UTP20: variants seen among roughly 807,000 people sequenced by gnomAD.
The protein encoded by UTP20 is UTP20 small subunit processome component.
UTP20 carries 164 observed loss-of-function variants against 329.5 expected under a neutral mutation model. That is an observed-to-expected ratio of 0.50 (90% CI 0.44 to 0.57). UTP20 has a LOEUF of 0.57. UTP20 is among the 20% of genes least tolerant of loss of function. The pLI is 0.00. For synonymous variants in UTP20, 1,151 were observed against 1,159.3 expected (o/e 0.99, Z 0.14); for missense variants, 3,055 against 3,284.2 (o/e 0.93, Z 1.71).
At chr12:101,306,133 T>A in intron 16 of UTP20, 68 bp downstream of exon 16, 1 of 1,444,896 alleles carries the variant, frequency 6.9e-7, no homozygotes, top group Non-Finnish European at 9.2e-7. Flanking sequence ...CTGCAGTGGT[T>A]TTCAGAGCAT....
intron 47 of UTP20, among the ~76,000 whole-genome samples, chr12:101,367,322 G>A (rs1322120757): frequency 6.6e-6 from 1 of 152,046 alleles, no homozygotes; most frequent in Non-Finnish European, 1.5e-5. Context: ...AAGACGGTGA[G>A]CTTTTAAAAG....
intron 27 of UTP20, 59 bp downstream of exon 27, chr12:101,329,508 T>A: frequency 6.6e-7 from 1 of 1,516,080 alleles, no homozygotes; most frequent in Non-Finnish European, 9.1e-7. Context: ...TCTTGGATTT[T>A]AATTCCAAGA....
chr12:101,355,634 T>C (rs1264637205), intron 41 of UTP20, among the ~76,000 whole-genome samples: 1 of 152,242 alleles, frequency 6.6e-6, no homozygotes, highest in Non-Finnish European at 1.5e-5. Flanking sequence ...CTTGTTTACG[T>C]AGTGTTTAGT....
Position 101,369,701 on chromosome 12 carries a change from T to C in UTP20, c.6385-20T>C. ...TCGGTCACATCACAAGTTGGTGGTG[T>C]TTTGTTTTGTTTTTTTCAGGTGATC... On this transcript the variant is annotated intron_variant, in intron 48 of 61. Transcript: ENST00000261637. 1 of 1,351,666 alleles carries C rather than the reference T, an allele frequency of 7.4e-7. No individual in the cohort carries two copies. The highest frequency in any genetic ancestry group is 1.8e-4 in the Middle Eastern group (1 of 5,574). 83.7% of individuals were successfully genotyped at this position (1,351,666 alleles called of 1,614,324 possible). A position where few individuals can be genotyped will look rare whatever the true frequency, so the allele number is the denominator to read the frequency against.
intron 11 of UTP20, 114 bp downstream of exon 11, chr12:101,293,359 C>T (rs1872235656): frequency 2.3e-6 from 2 of 880,878 alleles, no homozygotes; most frequent in East Asian, 2.5e-5. Context: ...AGGATAAGTG[C>T]TTGATGTTTT....
At chr12:101,328,140 A>C (rs964028571) in intron 26 of UTP20, among the ~76,000 whole-genome samples, 4 of 152,128 alleles carry the variant, frequency 2.6e-5, no homozygotes, top group Admixed American at 1.3e-4. Flanking sequence ...TATTTTTTCT[A>C]TGATAATAGG....
chr12:101,323,946 G>A (rs1405800150), intron 25 of UTP20, among the ~76,000 whole-genome samples: 1 of 151,980 alleles, frequency 6.6e-6, no homozygotes, highest in Non-Finnish European at 1.5e-5. Context: ...AGACCAGCCT[G>A]ACCAACATGG....
intron 52 of UTP20, among the ~76,000 whole-genome samples, chr12:101,373,169 G>A (rs1420608836): frequency 2.6e-5 from 4 of 152,020 alleles, no homozygotes; most frequent in East Asian, 3.9e-4. Context: ...TAATTTAACC[G>A]TTGATTGTCA....
At chr12:101,362,137 A>G in intron 44 of UTP20, 77 bp downstream of exon 44, 2 of 1,019,486 alleles carry the variant, frequency 2.0e-6, no homozygotes, top group South Asian at 1.3e-5. Flanking sequence ...ACCAAATAAG[A>G]AATAATAATA....
At chr12:101,285,965 A>T (rs1248183229) in intron 4 of UTP20, 84 bp downstream of exon 4, 1 of 1,520,172 alleles carries the variant, frequency 6.6e-7, no homozygotes, top group African/African-American at 1.4e-5. Context: ...CATATACCGC[A>T]GATCAGGTGC....
Position 101,362,050 on chromosome 12 carries a change from T to C in UTP20, c.5780T>C (p.Ile1927Thr), listed in dbSNP as rs749429613. The C allele has an allele frequency of 5.6e-6, 9 of 1,612,830 alleles. No homozygotes were observed. In the East Asian group the frequency reaches 6.7e-5, roughly 12 times the overall value. The change falls in exon 44 of 62, where the codon ATA becomes ACA. Residue 1927 changes from isoleucine (I) to threonine (T), a missense_variant. Physicochemically the swap from Ile to Thr is moderately conservative, Grantham distance 89. This residue lies in a region of UTP20 where 2,445 missense variants were observed against 2,575.5 expected (regional missense o/e 0.95). Coordinates refer to ENST00000261637, the MANE Select transcript of UTP20 (RefSeq NM_014503.3). ...QVGDLDSCLDIMIEIFNHELF... is the reference protein window; with the variant it reads ...QVGDLDSCLDTMIEIFNHELF... ...GGAGATTTGGACTCTTGTTTAGATA[T>C]AATGATTGAGGTAAGACTTACAGAA... is the stretch of plus-strand genomic sequence containing the variant.
rs1175169734 is a variant in UTP20, at chr12:101,367,854, T to C, written c.6268-6T>C. On this transcript the variant is annotated splice_polypyrimidine_tract_variant and splice_region_variant and intron_variant, in intron 47 of 61. Transcript: ENST00000261637. ...TAATGTGAAATACCTGTTTGAACTC[T>C]CTTAGCTGCTGCATCTGAGTCTGAA... 6.2e-7 allele frequency: 1 copy of C among 1,602,750 alleles called. No homozygotes were observed. The highest frequency in any genetic ancestry group is 8.5e-7 in the Non-Finnish European group (1 of 1,169,754).
intron 58 of UTP20, among the ~76,000 whole-genome samples, chr12:101,381,558 C>G (rs1025877081): frequency 2.0e-5 from 3 of 152,084 alleles, no homozygotes; most frequent in Admixed American, 6.6e-5. Flanking sequence ...GGGGCCTATT[C>G]TATCAACAGT....
chr12:101,325,717 C>T lies in UTP20; in HGVS notation c.3042-1364C>T, dbSNP rs1022785070. On this transcript the variant is annotated intron_variant, in intron 25 of 61. Coordinates refer to ENST00000261637, the MANE Select transcript of UTP20 (RefSeq NM_014503.3). ...ACTTTTCTTATTTGTAAGACATATA[C>T]GCTAGGATTCTTTTCACAGGCATTT... Among the ~76,000 whole-genome samples, 10 of 152,292 alleles carry T rather than the reference C, an allele frequency of 6.6e-5. No homozygotes were observed. The East Asian group carries it at 7.7e-4, about 12-fold the overall frequency.
rs754561495 is a variant in UTP20 at position 101,383,682 on chromosome 12, C to T, written c.8056+13C>T. ...TATTCAGAGCAAGGTAACCCTGCCT[C>T]GTCTGTTCTCCTGCCTTTTGCACAT... On this transcript the variant is annotated intron_variant, in intron 60 of 61. Coordinates refer to ENST00000261637, the MANE Select transcript of UTP20 (RefSeq NM_014503.3). The T allele has an allele frequency of 6.4e-6, 10 of 1,559,960 alleles. No homozygotes were observed. The highest frequency in any genetic ancestry group is 1.8e-5 in the Admixed American group (1 of 55,682).
Position 101,383,600 on chromosome 12 carries a change from G to C in UTP20, c.7987G>C (p.Val2663Leu). The change falls in exon 60 of 62, where the codon GTA becomes CTA. Residue 2663 changes from valine to leucine, a missense_variant. Physicochemically the swap from Val to Leu is conservative, Grantham distance 32. Coordinates refer to ENST00000261637, the MANE Select transcript of UTP20 (RefSeq NM_014503.3). ...AVAMDLGIDK[V>L]KPYLPMIIAP... ...AGCAATGGATCTTGGGATAGACAAG[G>C]TAAAGCCGTATCTCCCAATGATCAT... 1 of 1,613,734 alleles carries C rather than the reference G, an allele frequency of 6.2e-7. No individual in the cohort carries two copies. Among genetic ancestry groups the C allele is most frequent in the Non-Finnish European group, 8.5e-7 (1 of 1,179,878 alleles).
intron 21 of UTP20, among the ~76,000 whole-genome samples, chr12:101,314,668 AAG>A (rs1186476532): frequency 6.6e-6 from 1 of 151,524 alleles, no homozygotes; most frequent in Non-Finnish European, 1.5e-5. Context: ...AAAAAAAAAA[AAG>A]AAGCTCAAGA....
chr12:101,377,530 C>G (rs532089856), intron 56 of UTP20, among the ~76,000 whole-genome samples: 1 of 152,232 alleles, frequency 6.6e-6, no homozygotes, highest in South Asian at 2.1e-4. Context: ...CAGGTTTTCA[C>G]CGTGTTGGCC....
chr12:101,291,385 T>G (rs888626547), intron 8 of UTP20: 1 of 165,546 alleles, frequency 6.0e-6, no homozygotes, highest in Non-Finnish European at 1.3e-5. Context: ...AGAAACGCTG[T>G]CTCTACTAAA....
Sources: allele counts gnomAD v4.1 joint callset (sites outside exome capture counted in the v4.1 genomes callset), GRCh38; gene constraint gnomAD v4.1.1; regional missense constraint gnomAD v4.1.1; transcripts MANE v1.5; gene names NCBI Gene and HGNC (gene_info 2026-07-23, HGNC 2026-07-21).